Variants in TSNAX observed in about 807,000 individuals in gnomAD.
TSNAX encodes translin-associated protein X.
A neutral mutation model predicts 33.0 loss-of-function variants in TSNAX; 12 were observed. That is an observed-to-expected ratio of 0.36 (90% confidence interval 0.23 to 0.59). TSNAX has a LOEUF of 0.59. TSNAX is among the 20% of genes least tolerant of loss of function. The probability of loss-of-function intolerance (pLI) is 0.74; values close to 1 mark genes in which losing one functional copy is unlikely to be tolerated. For missense variants in TSNAX, 267 were observed against 341.3 expected (o/e 0.78, Z 1.72); for synonymous variants, 110 against 117.2 (o/e 0.94, Z 0.40).
At chr1:231,552,211 C>T (rs1186119230) in intron 4 of TSNAX, among the ~76,000 whole-genome samples, 1 of 152,106 alleles carries the variant, frequency 6.6e-6, no homozygotes, top group Non-Finnish European at 1.5e-5. Context: ...ATCACTTGAA[C>T]CCAGGTGGCA....
At chr1:231,556,476 A>G (rs535941872) in intron 4 of TSNAX, among the ~76,000 whole-genome samples, 12 of 152,354 alleles carry the variant, frequency 7.9e-5, no homozygotes, top group African/African-American at 2.2e-4. Context: ...TGTTGTTGCT[A>G]AAGTGTTTGT....
chr1:231,542,297 T>C (rs1034539463), intron 3 of TSNAX, among the ~76,000 whole-genome samples, 184 bp from the exon 4 acceptor site: 1 of 152,250 alleles, frequency 6.6e-6, no homozygotes, highest in Non-Finnish European at 1.5e-5. Flanking sequence ...TGTATACTTT[T>C]TTCACTTAAC....
At chr1:231,540,247 G>C (rs546303364) in intron 3 of TSNAX, among the ~76,000 whole-genome samples, 1 of 150,386 alleles carries the variant, frequency 6.6e-6, no homozygotes, top group Admixed American at 6.6e-5. Flanking sequence ...AAACTGTTGT[G>C]AGAGGACCTC....
intron 4 of TSNAX, 177 bp downstream of exon 4, chr1:231,542,788 T>G (rs954588405): frequency 7.8e-6 from 5 of 640,914 alleles, no homozygotes; most frequent in Non-Finnish European, 1.3e-5. Context: ...TTATGTTTTT[T>G]TTAACAGTGT....
chr1:231,540,779 C>T (rs1659526795), intron 3 of TSNAX, among the ~76,000 whole-genome samples: 1 of 152,154 alleles, frequency 6.6e-6, no homozygotes, highest in Non-Finnish European at 1.5e-5. Flanking sequence ...GAAGTCCTAT[C>T]AGTTTTTTCT....
intron 4 of TSNAX, among the ~76,000 whole-genome samples, chr1:231,553,784 T>G (rs1208907169): frequency 6.6e-6 from 1 of 151,848 alleles, no homozygotes; most frequent in Non-Finnish European, 1.5e-5. Flanking sequence ...CCTCCCAGGT[T>G]CAAGCGATTC....
At position 231,564,523 on chromosome 1, in the gene TSNAX, A is replaced by G; in HGVS notation, c.496-5A>G. 3.1e-6 allele frequency: 5 copies of G among 1,601,096 alleles called. No individual in the cohort carries two copies. Among genetic ancestry groups the G allele is most frequent in the Non-Finnish European group, 4.3e-6 (5 of 1,171,450 alleles). ...TGTTTTTGTTTTGTTTTGTTTTTTT[A>G]CCAGCCCTCCTCTGATGCACAGGAT... On this transcript the variant is annotated splice_polypyrimidine_tract_variant and splice_region_variant and intron_variant, in intron 5 of 5. Coordinates refer to ENST00000366639, the MANE Select transcript of TSNAX (RefSeq NM_005999.3).
chr1:231,545,890 C>G (rs1659877001), intron 4 of TSNAX, among the ~76,000 whole-genome samples: 2 of 152,124 alleles, frequency 1.3e-5, no homozygotes, highest in African/African-American at 4.8e-5. Context: ...GATTGAGGCT[C>G]ACAAGTTATG....
At chr1:231,549,790 G>GT (rs1466561307) in intron 4 of TSNAX, among the ~76,000 whole-genome samples, 1 of 152,166 alleles carries the variant, frequency 6.6e-6, no homozygotes, top group East Asian at 1.9e-4. Flanking sequence ...AGCACATGTG[G>GT]TTTATCTCAG....
intron 3 of TSNAX, 53 bp downstream of exon 3, chr1:231,537,380 T>C: frequency 8.3e-7 from 1 of 1,197,732 alleles, no homozygotes; most frequent in Admixed American, 2.0e-5. Context: ...TATTAGAATA[T>C]TCTGTGACTT....
Position 231,565,725 on chromosome 1 carries a change from A to G in TSNAX, c.*820A>G, listed in dbSNP as rs975861879. The G allele has an allele frequency of 4.6e-5, 7 of 152,310 alleles. No homozygotes were observed. Among genetic ancestry groups the G allele is most frequent in the African/African-American group, 1.7e-4 (7 of 41,572 alleles). The allele number at this position is 152,310 out of a possible 1,614,324, so 9.4% of individuals were successfully genotyped here. On this transcript the variant is annotated 3_prime_UTR_variant, in exon 6 of 6. Coordinates refer to ENST00000366639, the MANE Select transcript of TSNAX (RefSeq NM_005999.3). Reference sequence around the variant, plus strand: ...GGTAACAGAGCAAGACTCCATCTCAAAAAAAGAAAGAAAGAAAAAAGAAAG... The same window carrying G: ...GGTAACAGAGCAAGACTCCATCTCAGAAAAAGAAAGAAAGAAAAAAGAAAG...
At chr1:231,530,519 C>A (rs1026675712) in intron 2 of TSNAX, among the ~76,000 whole-genome samples, 1 of 151,910 alleles carries the variant, frequency 6.6e-6, no homozygotes, top group Non-Finnish European at 1.5e-5. Flanking sequence ...ATGGTGAAAC[C>A]CTGACTCTAA....
intron 4 of TSNAX, 30 bp downstream of exon 4, chr1:231,542,641 A>G: frequency 3.8e-6 from 6 of 1,596,902 alleles, no homozygotes; most frequent in African/African-American, 1.3e-5. Context: ...AGGGTAATAT[A>G]TATTTTAAAT....
At chr1:231,561,365 A>G in intron 5 of TSNAX, 110 bp downstream of exon 5, 1 of 943,986 alleles carries the variant, frequency 1.1e-6, no homozygotes, top group South Asian at 1.8e-5. Context: ...TGTTCTTTCT[A>G]AAGTATGGTT....
In TSNAX at chr1:231,565,128, T is replaced by A; in HGVS notation, c.*223T>A. 2.1e-6 allele frequency: 1 copy of A among 475,198 alleles called. No homozygotes were observed. The highest frequency in any genetic ancestry group is 3.6e-6 in the Non-Finnish European group (1 of 277,372). The allele number at this position is 475,198 out of a possible 1,614,324, so 29.4% of individuals were successfully genotyped here. On this transcript the variant is annotated 3_prime_UTR_variant, in exon 6 of 6. Transcript: ENST00000366639. ...GCATACAGATGTTTGCATATATGCC[T>A]TTTTGAATTTTTGCTGGTTAACCTT...
At position 231,566,178 on chromosome 1, in the gene TSNAX, G is replaced by C. The variant is rs1661427221; in HGVS notation, c.*1273G>C. 3 of 152,388 alleles carry C rather than the reference G, an allele frequency of 2.0e-5. No homozygotes were observed. The highest frequency in any genetic ancestry group is 7.3e-5 in the African/African-American group (3 of 41,362). The allele number at this position is 152,388 out of a possible 1,614,324, so 9.4% of individuals were successfully genotyped here. On this transcript the variant is annotated 3_prime_UTR_variant, in exon 6 of 6. Coordinates refer to ENST00000366639, the MANE Select transcript of TSNAX (RefSeq NM_005999.3). The stretch of plus-strand genomic sequence containing the variant: ...AGTTTTGAAATACTAAGTTAATCCA[G>C]ACCTTTAGTTGTCCCATGGTGTTAA...
chr1:231,538,965 C>T (rs1308720459), intron 3 of TSNAX, among the ~76,000 whole-genome samples: 7 of 151,742 alleles, frequency 4.6e-5, no homozygotes, highest in African/African-American at 1.5e-4. Flanking sequence ...TGAAGTATTC[C>T]GTTCAGTAAC....
chr1:231,556,151 T>C (rs2124934179), intron 4 of TSNAX, among the ~76,000 whole-genome samples: 1 of 152,314 alleles, frequency 6.6e-6, no homozygotes, highest in East Asian at 1.9e-4. Flanking sequence ...CCTTCATTAG[T>C]TGTAAAAAGT....
chr1:231,535,089 T>C (rs1416468263), intron 2 of TSNAX: 1 of 152,164 alleles, frequency 6.6e-6, no homozygotes, highest in East Asian at 1.9e-4. Context: ...CAAGAAGACA[T>C]AGTCTGCCTG....
Sources: gnomAD v4.1 joint callset for allele counts (sites outside exome capture counted in the v4.1 genomes callset) on GRCh38, gnomAD v4.1.1 for gene constraint, MANE v1.5 for transcripts, NCBI Gene and HGNC (gene_info 2026-07-23, HGNC 2026-07-21) for gene names.